ERC2: variants seen among roughly 807,000 people sequenced by gnomAD.
ERC2 encodes the protein ERC protein 2.
Under a neutral mutation model 114.8 loss-of-function variants are expected in ERC2, and 42 were observed. That is an observed-to-expected ratio of 0.37 (90% confidence interval 0.29 to 0.47). The LOEUF (loss-of-function observed/expected upper bound fraction) is 0.47, where lower values mean the gene tolerates loss of function less well. Ranked by LOEUF, ERC2 falls within the 20% of genes least tolerant of loss-of-function variation. ERC2 has a pLI of 0.99. For synonymous variants in ERC2, 454 were observed against 425.5 expected (o/e 1.07, Z -0.82); for missense variants, 939 against 1,150.7 (o/e 0.82, Z 2.66).
intron 6 of ERC2, among the ~76,000 whole-genome samples, chr3:56,093,519 A>G (rs1370288953): frequency 6.6e-6 from 1 of 152,154 alleles, no homozygotes; most frequent in Admixed American, 6.6e-5. Context: ...TTCACACAAC[A>G]TACCACTAGT....
In ERC2 at chr3:56,045,882, G is replaced by A. The variant is rs182054604; in HGVS notation, c.1642-26851C>T. Among the ~76,000 whole-genome samples, 671 of 152,118 alleles carry A rather than the reference G, an allele frequency of 4.4e-3. 4 individuals are homozygous for A. Among genetic ancestry groups the A allele is most frequent in the African/African-American group, 0.015 (624 of 41,498 alleles). On this transcript the variant is annotated intron_variant, in intron 7 of 17. Coordinates refer to ENST00000288221, the MANE Select transcript of ERC2 (RefSeq NM_015576.3). ...GATCATCATATTCCTATCACTCACCGTGGTGTGATGAATCACACACCTGCA... is the reference window on the plus strand; with the variant it reads ...GATCATCATATTCCTATCACTCACCATGGTGTGATGAATCACACACCTGCA...
At chr3:56,278,193 G>C (rs1235504287) in intron 3 of ERC2, among the ~76,000 whole-genome samples, 3 of 152,232 alleles carry the variant, frequency 2.0e-5, no homozygotes, top group Non-Finnish European at 2.9e-5. Context: ...CAATATCCCA[G>C]AGCAGAGTTC....
At chr3:56,380,436 A>C (rs925473925) in intron 2 of ERC2, among the ~76,000 whole-genome samples, 1 of 152,214 alleles carries the variant, frequency 6.6e-6, no homozygotes, top group Middle Eastern at 3.4e-3. Context: ...ACAGAAACAA[A>C]ACACTGCTGG....
At chr3:56,399,382 C>T (rs2060436293) in intron 2 of ERC2, among the ~76,000 whole-genome samples, 1 of 152,182 alleles carries the variant, frequency 6.6e-6, no homozygotes, top group East Asian at 1.9e-4. Flanking sequence ...ATATGCTAAG[C>T]ACTCAAAACA....
intron 11 of ERC2, among the ~76,000 whole-genome samples, chr3:55,988,322 A>C (rs1429788007): frequency 6.6e-6 from 1 of 152,204 alleles, no homozygotes; most frequent in African/African-American, 2.4e-5. Context: ...AACTCCCCTG[A>C]GCTGCCTGCA....
At chr3:56,010,701 C>CAA in intron 8 of ERC2, 112 bp from the exon 9 acceptor site, 3 of 1,217,046 alleles carry the variant, frequency 2.5e-6, no homozygotes, top group Middle Eastern at 4.0e-4. Context: ...GTACAGGAAT[C>CAA]AACACACACA....
rs1479768341 is a variant in ERC2, at chr3:56,007,468, GC to G, written c.1921-148del. ...AATCTTACTAAGGTAACAATAGTCA[GC>G]TCTGGTCAGGAAATTAAAGTTGGCC... On this transcript the variant is annotated intron_variant, in intron 9 of 17. Transcript: ENST00000288221. The G allele has an allele frequency of 4.1e-5, 31 of 756,884 alleles. No homozygotes were observed. In the African/African-American group the frequency reaches 5.3e-4, roughly 13 times the overall value. The allele number at this position is 756,884 out of a possible 1,614,324, so 46.9% of individuals were successfully genotyped here. A position where few individuals can be genotyped will look rare whatever the true frequency, so the allele number is the denominator to read the frequency against.
rs574928170 is a variant in ERC2, at chr3:56,083,907, G to GA, written c.1474-2924dup. On this transcript the variant is annotated intron_variant, in intron 6 of 17. Coordinates refer to ENST00000288221, the MANE Select transcript of ERC2 (RefSeq NM_015576.3). ...AAGAGTTAAAAGGGTTTGTCTTAGG[G>GA]AAAAAAAAAATGGAACAGGGGAAGT... 3.4e-3 allele frequency among the ~76,000 whole-genome samples: 497 copies of GA among 146,966 alleles called. 2 individuals carry two copies. Among genetic ancestry groups the GA allele is most frequent in the East Asian group, 7.5e-3 (38 of 5,046 alleles).
intron 17 of ERC2, among the ~76,000 whole-genome samples, chr3:55,591,598 T>TGTGC (rs753288264): frequency 4.0e-5 from 6 of 151,080 alleles, no homozygotes; most frequent in Non-Finnish European, 8.8e-5. Flanking sequence ...TGTGTGTGTG[T>TGTGC]GTGCGCGCGC....
At chr3:55,838,548 A>C (rs573734420) in intron 14 of ERC2, among the ~76,000 whole-genome samples, 1 of 152,156 alleles carries the variant, frequency 6.6e-6, no homozygotes, top group African/African-American at 2.4e-5. Flanking sequence ...AATGTAGATA[A>C]AACAGCAATT....
intron 17 of ERC2, among the ~76,000 whole-genome samples, chr3:55,648,936 G>A (rs1480132870): frequency 6.6e-6 from 1 of 152,080 alleles, no homozygotes; most frequent in African/African-American, 2.4e-5. Flanking sequence ...CACACACCAC[G>A]GACACACTGG....
intron 7 of ERC2, among the ~76,000 whole-genome samples, chr3:56,024,504 T>C (rs2073926359): frequency 2.0e-5 from 3 of 152,166 alleles, no homozygotes; most frequent in African/African-American, 7.2e-5. Flanking sequence ...GACTTTGCAG[T>C]CCCTGCAGCA....
chr3:55,775,809 C>A (rs147662592), intron 14 of ERC2, among the ~76,000 whole-genome samples: 3 of 152,236 alleles, frequency 2.0e-5, no homozygotes, highest in Non-Finnish European at 4.4e-5. Flanking sequence ...GAATCCAAAC[C>A]AACTTTTCCC....
intron 14 of ERC2, among the ~76,000 whole-genome samples, chr3:55,856,715 A>G (rs559498350): frequency 1.3e-5 from 2 of 152,368 alleles, no homozygotes; most frequent in African/African-American, 4.8e-5. Flanking sequence ...AAACTTGCAC[A>G]TGAATGTTCA....
At chr3:55,865,224 T>A (rs573346376) in intron 14 of ERC2, among the ~76,000 whole-genome samples, 1 of 150,488 alleles carries the variant, frequency 6.6e-6, no homozygotes, top group African/African-American at 2.5e-5. Flanking sequence ...AAAATAAATA[T>A]AAGTTGATTG....
At chr3:55,650,967 C>A (rs1261528817) in intron 17 of ERC2, among the ~76,000 whole-genome samples, 3 of 151,664 alleles carry the variant, frequency 2.0e-5, no homozygotes, top group African/African-American at 7.3e-5. Context: ...CCTGCCTCAG[C>A]CTCCCAAGTA....
At chr3:55,518,799 CGTT>C (rs2052708329) in intron 17 of ERC2, among the ~76,000 whole-genome samples, 4 of 152,218 alleles carry the variant, frequency 2.6e-5, no homozygotes, top group Non-Finnish European at 5.9e-5. Flanking sequence ...AATAACCACA[CGTT>C]GTGTTTAGTT....
chr3:56,208,726 C>A (rs562187468), intron 3 of ERC2, among the ~76,000 whole-genome samples: 2 of 152,316 alleles, frequency 1.3e-5, no homozygotes, highest in Non-Finnish European at 2.9e-5. Flanking sequence ...TCATTAGACA[C>A]AGGCAAAGGC....
At chr3:55,822,475 G>A (rs1354544987) in intron 14 of ERC2, among the ~76,000 whole-genome samples, 1 of 152,032 alleles carries the variant, frequency 6.6e-6, no homozygotes, top group Admixed American at 6.5e-5. Flanking sequence ...GACCCACTCA[G>A]TGAGCATGCT....
Sources: gnomAD v4.1 joint callset for allele counts (sites outside exome capture counted in the v4.1 genomes callset) on GRCh38, gnomAD v4.1.1 for gene constraint, MANE v1.5 for transcripts, NCBI Gene and HGNC (gene_info 2026-07-23, HGNC 2026-07-21) for gene names.